DCC: variants seen among roughly 807,000 people sequenced by gnomAD.
DCC encodes the protein netrin receptor DCC.
In DCC, 58 loss-of-function variants were observed where a neutral mutation model predicts 172.5. The observed-to-expected ratio is 0.34, with a 90% CI of 0.27 to 0.42. The LOEUF (loss-of-function observed/expected upper bound fraction) is 0.42. Among genes scored for constraint, DCC ranks in the 10% least tolerant of loss-of-function variants. DCC has a pLI of 1.00. For missense variants in DCC, 1,740 were observed against 1,791.0 expected, an observed-to-expected ratio of 0.97 and a Z score of 0.51; for synonymous variants, 709 against 644.5, an observed-to-expected ratio of 1.10 and a Z score of -1.52.
At chr18:53,362,972 G>A (rs770095471) in intron 15 of DCC, among the ~76,000 whole-genome samples, 1 of 152,066 alleles carries the variant, frequency 6.6e-6, no homozygotes, top group Non-Finnish European at 1.5e-5. Flanking sequence ...TCTATGCTCT[G>A]TCTCCTTTGC....
chr18:52,940,433 A>G (rs1230215174), intron 5 of DCC, among the ~76,000 whole-genome samples: 2 of 152,174 alleles, frequency 1.3e-5, no homozygotes, highest in African/African-American at 4.8e-5. Flanking sequence ...TAGTGACAGA[A>G]CATGAAATTG....
At chr18:52,459,938 A>C (rs1390330259) in intron 1 of DCC, among the ~76,000 whole-genome samples, 1 of 151,448 alleles carries the variant, frequency 6.6e-6, no homozygotes, top group Non-Finnish European at 1.5e-5. Context: ...TACACACCAC[A>C]TTTTCTTTAT....
intron 1 of DCC, among the ~76,000 whole-genome samples, chr18:52,610,176 AAAATATATATATATATATATATAT>A (rs1483493094): frequency 1.5e-3 from 19 of 12,428 alleles, no homozygotes; most frequent in African/African-American, 5.9e-3. Context: ...AAAAAAAAAA[AAAATATATATATATATATATATAT>A]ATATATATAT....
intron 5 of DCC, among the ~76,000 whole-genome samples, chr18:53,055,281 A>G (rs746855244): frequency 1.3e-5 from 2 of 152,184 alleles, no homozygotes; most frequent in Non-Finnish European, 2.9e-5. Context: ...TGTGGTTTTC[A>G]GTAATAATAT....
At chr18:52,705,345 G>A (rs899896130) in intron 1 of DCC, among the ~76,000 whole-genome samples, 7 of 152,144 alleles carry the variant, frequency 4.6e-5, no homozygotes, top group African/African-American at 9.7e-5. Flanking sequence ...GATGGCTACA[G>A]GAGTCTTAGA....
chr18:53,095,711 A>G (rs1204022347), intron 7 of DCC, among the ~76,000 whole-genome samples: 1 of 152,064 alleles, frequency 6.6e-6, no homozygotes, highest in Admixed American at 6.6e-5. Flanking sequence ...CCTCATTTTA[A>G]AAATCCTTAA....
intron 1 of DCC, among the ~76,000 whole-genome samples, chr18:52,539,748 AG>A (rs1352218289): frequency 2.1e-4 from 32 of 152,368 alleles, no homozygotes; most frequent in African/African-American, 7.0e-4. Context: ...AAAATTGCTT[AG>A]AGAGTAGACT....
At chr18:52,946,245 C>A (rs781542017) in intron 5 of DCC, among the ~76,000 whole-genome samples, 1 of 152,190 alleles carries the variant, frequency 6.6e-6, no homozygotes, top group Non-Finnish European at 1.5e-5. Flanking sequence ...CAGTAAACTT[C>A]TGATGACCAG....
chr18:52,865,954 G>GA (rs2091222813), intron 2 of DCC, among the ~76,000 whole-genome samples: 1 of 152,176 alleles, frequency 6.6e-6, no homozygotes, highest in Admixed American at 6.5e-5. Context: ...TGGTGGTTAT[G>GA]AAGTCTTTGC....
Position 53,451,992 on chromosome 18 carries a change from G to T in DCC, c.3392+1330G>T, listed in dbSNP as rs187434279. Among the ~76,000 whole-genome samples, 65 of 152,330 alleles carry T rather than the reference G, an allele frequency of 4.3e-4. 1 individual carries two copies. Among genetic ancestry groups the T allele is most frequent in the African/African-American group, 1.6e-3 (65 of 41,568 alleles). On this transcript the variant is annotated intron_variant, in intron 23 of 28. Coordinates refer to ENST00000442544, the MANE Select transcript of DCC (RefSeq NM_005215.4). Reference sequence around the variant, plus strand: ...GTGATAGCTGGTGTGCTGCTCCATTGTGCCTAAGCAAGAAACCTGCTAGAG... The same window carrying T: ...GTGATAGCTGGTGTGCTGCTCCATTTTGCCTAAGCAAGAAACCTGCTAGAG...
At chr18:52,786,771 C>A (rs1351931003) in intron 2 of DCC, among the ~76,000 whole-genome samples, 1 of 152,034 alleles carries the variant, frequency 6.6e-6, no homozygotes, top group Non-Finnish European at 1.5e-5. Context: ...GGTTAGGAAC[C>A]CTGTGTGGGG....
chr18:52,549,529 A>T (rs1362231851), intron 1 of DCC, among the ~76,000 whole-genome samples: 1 of 152,056 alleles, frequency 6.6e-6, no homozygotes, highest in Non-Finnish European at 1.5e-5. Flanking sequence ...TGTCCTCCAC[A>T]CGGTGAACCA....
chr18:52,444,130 T>C (rs1988052041), intron 1 of DCC, among the ~76,000 whole-genome samples: 1 of 152,150 alleles, frequency 6.6e-6, no homozygotes, highest in Non-Finnish European at 1.5e-5. Context: ...GGCTGCAGCC[T>C]AGAAAGGCTG....
intron 5 of DCC, among the ~76,000 whole-genome samples, chr18:52,961,998 A>G (rs1401329829): frequency 6.6e-6 from 1 of 152,192 alleles, no homozygotes; most frequent in Non-Finnish European, 1.5e-5. Context: ...CTAAAACCAT[A>G]AAAACCCTAG....
chr18:52,391,429 A>G (rs901104693), intron 1 of DCC, among the ~76,000 whole-genome samples: 3 of 152,162 alleles, frequency 2.0e-5, no homozygotes, highest in Non-Finnish European at 2.9e-5. Flanking sequence ...TAACTGAAAT[A>G]TATAGTTTAA....
chr18:53,097,991 A>G (rs2043111800), intron 7 of DCC, among the ~76,000 whole-genome samples: 1 of 152,104 alleles, frequency 6.6e-6, no homozygotes, highest in Middle Eastern at 3.4e-3. Context: ...AGGCTACACA[A>G]CTCAGTCAGC....
intron 11 of DCC, among the ~76,000 whole-genome samples, chr18:53,210,266 T>G (rs1460051662): frequency 6.6e-6 from 1 of 152,232 alleles, no homozygotes; most frequent in African/African-American, 2.4e-5. Flanking sequence ...TGAGTTGTAT[T>G]TAATCACATT....
chr18:52,369,992 T>C (rs910742114), intron 1 of DCC, among the ~76,000 whole-genome samples: 4 of 152,154 alleles, frequency 2.6e-5, no homozygotes, highest in Admixed American at 6.5e-5. Context: ...TTCCAAAATA[T>C]GAAAATTCAA....
intron 1 of DCC, among the ~76,000 whole-genome samples, chr18:52,461,942 T>C (rs1169226745): frequency 6.6e-6 from 1 of 152,220 alleles, no homozygotes; most frequent in Non-Finnish European, 1.5e-5. Flanking sequence ...TTCCTGAAAC[T>C]GCTCCTCCTG....
Sources: allele counts gnomAD v4.1 joint callset (sites outside exome capture counted in the v4.1 genomes callset), GRCh38; gene constraint gnomAD v4.1.1; transcripts MANE v1.5; gene names NCBI Gene and HGNC (gene_info 2026-07-23, HGNC 2026-07-21).